SPRYD3: variants seen among roughly 807,000 people sequenced by gnomAD.
The protein encoded by SPRYD3 is SPRY domain containing 3, also known as SPRY domain-containing protein 3.
In SPRYD3, 17 loss-of-function variants were observed where a neutral mutation model predicts 50.1. The observed-to-expected ratio is 0.34, with a 90% confidence interval of 0.23 to 0.51. SPRYD3 has a LOEUF of 0.51. SPRYD3 is among the 20% of genes least tolerant of loss of function. The pLI is 0.97. For missense variants in SPRYD3, 401 were observed against 591.2 expected, an observed-to-expected ratio of 0.68 and a Z score of 3.34; for synonymous variants, 198 against 215.5, an observed-to-expected ratio of 0.92 and a Z score of 0.71.
chr12:53,071,345 G>C (rs942940853), intron 6 of SPRYD3, among the ~76,000 whole-genome samples: 2 of 152,186 alleles, frequency 1.3e-5, no homozygotes, highest in Non-Finnish European at 2.9e-5. Context: ...CACAGAATGA[G>C]TCTAATCCCC....
chr12:53,066,838 C>CATGAGG, intron 8 of SPRYD3, 146 bp from the exon 9 acceptor site: 1 of 1,074,028 alleles, frequency 9.3e-7, no homozygotes. Context: ...AGAGGCCGGG[C>CATGAGG]GCGGTGGCTC....
rs551992991 is a variant in SPRYD3, at chr12:53,066,009, G to A, written c.1195-43C>T. ...AGAAGAATGGAGCAAGCAGGCTGTGGCCTCTTCCCTGAGGATGCTGGAGCT... is the reference window on the plus strand; with the variant it reads ...AGAAGAATGGAGCAAGCAGGCTGTGACCTCTTCCCTGAGGATGCTGGAGCT... On this transcript the variant is annotated intron_variant, in intron 10 of 10. Transcript: ENST00000301463. 6.5e-5 allele frequency: 103 copies of A among 1,593,330 alleles called. 1 individual carries two copies. In the Middle Eastern group the frequency reaches 1.2e-3, roughly 19 times the overall value.
intron 1 of SPRYD3, chr12:53,078,040 G>C: frequency 2.3e-6 from 1 of 438,732 alleles, no homozygotes; most frequent in Non-Finnish European, 4.6e-6. Context: ...AAAACAATGA[G>C]CCAGGTGTGG....
rs1238427988 is a variant in SPRYD3, at chr12:53,065,255, T to C, written c.*577A>G. ...GCAGGTTGGGGTGGGGAGCCAGCTC[T>C]CAAGGGAAAGATGGAGAGCCTAGAG... On this transcript the variant is annotated 3_prime_UTR_variant, in exon 11 of 11. Coordinates refer to ENST00000301463, the MANE Select transcript of SPRYD3 (RefSeq NM_032840.3). The C allele has an allele frequency of 6.5e-6, 1 of 152,754 alleles. No homozygotes were observed. Among genetic ancestry groups the C allele is most frequent in the East Asian group, 1.9e-4 (1 of 5,184 alleles). 9.5% of individuals were successfully genotyped at this position (152,754 alleles called of 1,614,324 possible).
At chr12:53,073,152 C>T in intron 6 of SPRYD3, 134 bp downstream of exon 6, 1 of 596,086 alleles carries the variant, frequency 1.7e-6, no homozygotes, top group South Asian at 2.1e-5. Flanking sequence ...AGAGCCTAGG[C>T]TATCTTGCCA....
chr12:53,071,948 TG>T (rs1264132323), intron 6 of SPRYD3, among the ~76,000 whole-genome samples: 2 of 151,710 alleles, frequency 1.3e-5, no homozygotes. Flanking sequence ...CTGAAGGTGT[TG>T]GGGGGAGGGT....
chr12:53,077,814 T>C (rs575244052), intron 1 of SPRYD3, among the ~76,000 whole-genome samples: 1 of 152,330 alleles, frequency 6.6e-6, no homozygotes, highest in East Asian at 1.9e-4. Flanking sequence ...AGTCAGATCA[T>C]GGCCCTACAG....
intron 6 of SPRYD3, among the ~76,000 whole-genome samples, chr12:53,070,957 T>C (rs1294705241): frequency 6.6e-6 from 1 of 152,172 alleles, no homozygotes; most frequent in Non-Finnish European, 1.5e-5. Context: ...GCCAAAGACA[T>C]GACTCAGTGC....
chr12:53,078,615 C>T (rs1052005358), intron 1 of SPRYD3, among the ~76,000 whole-genome samples: 1 of 152,106 alleles, frequency 6.6e-6, no homozygotes, highest in Non-Finnish European at 1.5e-5. Context: ...CAGCAGTTCA[C>T]ATGAGAAATG....
Position 53,065,744 on chromosome 12 carries a change from G to A in SPRYD3, c.*88C>T. On this transcript the variant is annotated 3_prime_UTR_variant, in exon 11 of 11. Transcript: ENST00000301463. ...CTACACACCTCCAGGGGCCTGCTGG[G>A]TAAACGAAGCCTCTGGGAAGTCAGG... 7.0e-7 allele frequency: 1 copy of A among 1,425,248 alleles called. No individual in the cohort carries two copies. The highest frequency in any genetic ancestry group is 2.3e-5 in the East Asian group (1 of 43,490). The allele number at this position is 1,425,248 out of a possible 1,614,324, so 88.3% of individuals were successfully genotyped here.
Position 53,066,416 on chromosome 12 carries a change from A to G in SPRYD3, c.1092T>C (p.Asn364=), listed in dbSNP as rs1180570367. ...CCCCTTCCTGGTGCAGGTACATGACATTCCGCACGTTCCGGACGGCCCGGG... is the reference window on the plus strand; with the variant it reads ...CCCCTTCCTGGTGCAGGTACATGACGTTCCGCACGTTCCGGACGGCCCGGG... ...PTARAVRNVR[N]VMYLHQEGEE... is the part of the protein sequence containing the mutation. The change falls in exon 10 of 11, where the codon AAT becomes AAC. Residue 364 remains asparagine, a synonymous_variant. Transcript: ENST00000301463. The G allele has an allele frequency of 1.2e-6, 2 of 1,613,830 alleles. No homozygotes were observed. The highest frequency in any genetic ancestry group is 2.2e-5 in the South Asian group (2 of 91,052).
In SPRYD3 at chr12:53,065,801, A is replaced by G. The variant is rs777599550; in HGVS notation, c.*31T>C. On this transcript the variant is annotated 3_prime_UTR_variant, in exon 11 of 11. Transcript: ENST00000301463. Reference sequence around the variant, plus strand: ...GTGCCTGGCCCAGCAGAGGGTGAGCAGGGAGAAGGAGCAGGTCTGGAGGGG... The same window carrying G: ...GTGCCTGGCCCAGCAGAGGGTGAGCGGGGAGAAGGAGCAGGTCTGGAGGGG... 5.0e-6 allele frequency: 8 copies of G among 1,597,076 alleles called. No homozygotes were observed. Among genetic ancestry groups the G allele is most frequent in the Non-Finnish European group, 6.0e-6 (7 of 1,169,016 alleles).
intron 6 of SPRYD3, among the ~76,000 whole-genome samples, chr12:53,068,591 C>T (rs1189335492): frequency 6.6e-6 from 1 of 152,170 alleles, no homozygotes; most frequent in African/African-American, 2.4e-5. Flanking sequence ...GGGAGCGGCA[C>T]ACCAGGGGGC....
rs1038337676 is a variant in SPRYD3, at chr12:53,065,197, G to A, written c.*635C>T. ...CCACCCATGTGGGTCCAGGTATGGG[G>A]AGCCAGAGACCTAGATCCTCTGTGG... On this transcript the variant is annotated 3_prime_UTR_variant, in exon 11 of 11. Transcript: ENST00000301463. 4 of 152,538 alleles carry A rather than the reference G, an allele frequency of 2.6e-5. No individual in the cohort carries two copies. The highest frequency in any genetic ancestry group is 9.6e-5 in the African/African-American group (4 of 41,454). The allele number at this position is 152,538 out of a possible 1,614,324, so 9.4% of individuals were successfully genotyped here.
chr12:53,069,854 G>A (rs1944536600), intron 6 of SPRYD3, among the ~76,000 whole-genome samples: 1 of 152,166 alleles, frequency 6.6e-6, no homozygotes. Context: ...CAGCATTGCA[G>A]AACTGGGTGG....
At chr12:53,071,205 C>G (rs751230033) in intron 6 of SPRYD3, among the ~76,000 whole-genome samples, 8 of 152,216 alleles carry the variant, frequency 5.3e-5, no homozygotes, top group Non-Finnish European at 1.2e-4. Flanking sequence ...GGCTCCAGCA[C>G]AGCCTCCCTC....
chr12:53,068,033 C>T (rs1417404926), intron 7 of SPRYD3, 122 bp downstream of exon 7: 1 of 1,151,998 alleles, frequency 8.7e-7, no homozygotes, highest in Admixed American at 2.0e-5. Flanking sequence ...TCCATCTCAG[C>T]TTAGCACCCT....
intron 5 of SPRYD3, 53 bp from the exon 6 acceptor site, chr12:53,073,524 A>C: frequency 2.8e-5 from 40 of 1,409,052 alleles, no homozygotes; most frequent in Non-Finnish European, 3.5e-5. Context: ...TCCATAGCTC[A>C]CCTAATTCTC....
At position 53,075,190 on chromosome 12, in the gene SPRYD3, G is replaced by T; in HGVS notation, c.276C>A (p.Gly92=). 1 of 1,613,300 alleles carries T rather than the reference G, an allele frequency of 6.2e-7. No homozygotes were observed. The highest frequency in any genetic ancestry group is 8.5e-7 in the Non-Finnish European group (1 of 1,179,304). ...EVSIVDSGVR[G]TIAVGLVPQY... ...GAGGGACCAGCCCCACAGCAATGGT[G>T]CCCCGGACTCCACTGTCCACAATAG... is the stretch of plus-strand genomic sequence containing the variant. Residue 92 remains glycine, a synonymous_variant, in exon 4 of 11, where the codon GGC becomes GGA. Coordinates refer to ENST00000301463, the MANE Select transcript of SPRYD3 (RefSeq NM_032840.3).
Sources: gnomAD v4.1 joint callset for allele counts (sites outside exome capture counted in the v4.1 genomes callset) on GRCh38, gnomAD v4.1.1 for gene constraint, MANE v1.5 for transcripts, NCBI Gene and HGNC (gene_info 2026-07-23, HGNC 2026-07-21) for gene names.